The following PARP15 variants were observed in gnomAD, a reference collection of about 807,000 sequenced individuals.
The protein encoded by PARP15 is poly(ADP-ribose) polymerase family member 15, also known as protein mono-ADP-ribosyltransferase PARP15.
PARP15 carries 50 observed loss-of-function variants against 62.1 expected under a neutral mutation model. The ratio of observed to expected loss-of-function variants is 0.81; its 90% CI spans 0.64 to 1.02. The LOEUF is 1.02. PARP15 is among the 50% of genes least tolerant of loss of function. The pLI is 0.00. For missense variants in PARP15, 820 were observed against 826.5 expected (o/e 0.99, Z 0.10); for synonymous variants, 309 against 293.1 (o/e 1.05, Z -0.55).
chr3:122,607,035 GT>G (rs1935203799), intron 2 of PARP15, among the ~76,000 whole-genome samples: 1 of 152,204 alleles, frequency 6.6e-6, no homozygotes. Context: ...TGTCACGTGG[GT>G]TCAGGACCTT....
intron 10 of PARP15, 106 bp downstream of exon 10, chr3:122,632,325 T>C (rs1413747948): frequency 7.3e-6 from 8 of 1,103,190 alleles, no homozygotes; most frequent in Non-Finnish European, 1.0e-5. Flanking sequence ...ACTATGTTTA[T>C]TTTAACTGGA....
intron 10 of PARP15, among the ~76,000 whole-genome samples, chr3:122,632,443 A>G (rs1411740977): frequency 6.6e-6 from 1 of 152,218 alleles, no homozygotes; most frequent in Admixed American, 6.6e-5. Context: ...TTCAGTTGCA[A>G]GTCACAAACC....
At chr3:122,587,682 C>T (rs1178919828) in intron 1 of PARP15, among the ~76,000 whole-genome samples, 2 of 152,090 alleles carry the variant, frequency 1.3e-5, no homozygotes, top group African/African-American at 4.8e-5. Flanking sequence ...TCCACCACAC[C>T]TGGCTTATTT....
At chr3:122,578,051 G>T (rs5011883) in intron 1 of PARP15, among the ~76,000 whole-genome samples, 198 bp downstream of exon 1, 9,391 of 58,838 alleles carry the variant, frequency 0.16, 891 homozygotes, top group African/African-American at 0.34. Context: ...ATTTCTGGTG[G>T]TTTTTTTTTT....
intron 9 of PARP15, among the ~76,000 whole-genome samples, chr3:122,630,180 A>G (rs1351198346): frequency 6.6e-6 from 1 of 152,258 alleles, no homozygotes; most frequent in Non-Finnish European, 1.5e-5. Flanking sequence ...GCAAGTCAAC[A>G]GTGCTCCTTA....
chr3:122,581,617 G>C (rs982689108), intron 1 of PARP15, among the ~76,000 whole-genome samples: 2 of 152,028 alleles, frequency 1.3e-5, no homozygotes, highest in Non-Finnish European at 2.9e-5. Context: ...GAGTTGTAGG[G>C]GTTCTTTGTA....
At chr3:122,592,419 GC>G (rs1217036520) in intron 1 of PARP15, among the ~76,000 whole-genome samples, 2 of 152,002 alleles carry the variant, frequency 1.3e-5, no homozygotes, top group Non-Finnish European at 2.9e-5. Flanking sequence ...GAAGGGAACA[GC>G]ACACACTGGG....
chr3:122,635,708 T>A, intron 11 of PARP15, 103 bp from the exon 12 acceptor site: 1 of 1,333,352 alleles, frequency 7.5e-7, no homozygotes, highest in Non-Finnish European at 1.0e-6. Flanking sequence ...CCAACACACC[T>A]GGCTAAAACT....
At chr3:122,603,735 A>T (rs1244579609) in intron 1 of PARP15, among the ~76,000 whole-genome samples, 1 of 152,242 alleles carries the variant, frequency 6.6e-6, no homozygotes, top group Non-Finnish European at 1.5e-5. Flanking sequence ...TCACGGATAA[A>T]ACTTTCATCA....
At chr3:122,628,442 A>G (rs777665823) in intron 9 of PARP15, among the ~76,000 whole-genome samples, 18 of 152,164 alleles carry the variant, frequency 1.2e-4, no homozygotes, top group African/African-American at 1.9e-4. Flanking sequence ...AATAGTATGT[A>G]CCTACTATAG....
chr3:122,635,995 A>G lies in PARP15; in HGVS notation c.1932A>G (p.Thr644=). 1 of 1,614,160 alleles carries G rather than the reference A, an allele frequency of 6.2e-7. No homozygotes were observed. The highest frequency in any genetic ancestry group is 8.5e-7 in the Non-Finnish European group (1 of 1,180,018). Reference sequence around the variant, plus strand: ...CACCCAAGAATCCTCACAATCCCACAGATCTCTTTGACTCAGTGACAAACA... The same window carrying G: ...CACCCAAGAATCCTCACAATCCCACGGATCTCTTTGACTCAGTGACAAACA... The part of the protein sequence containing the change: ...TPPPKNPHNP[T]DLFDSVTNNT... The change falls in exon 12 of 12, where the codon ACA becomes ACG. Residue 644 remains threonine (T), a synonymous_variant. Coordinates refer to ENST00000464300, the MANE Select transcript of PARP15 (RefSeq NM_001113523.3).
intron 8 of PARP15, among the ~76,000 whole-genome samples, chr3:122,623,566 C>T (rs1160133541): frequency 6.6e-6 from 1 of 152,144 alleles, no homozygotes; most frequent in Non-Finnish European, 1.5e-5. Flanking sequence ...GCAAAAGAAC[C>T]AACCAATAAT....
rs367561709 is a variant in PARP15 at position 122,621,900 on chromosome 3, G to A, written c.1231+289G>A. Among the ~76,000 whole-genome samples the A allele has an allele frequency of 9.2e-5, 14 of 152,242 alleles. No individual in the cohort carries two copies. The South Asian group carries it at 1.0e-3, about 11-fold the overall frequency. On this transcript the variant is annotated intron_variant, in intron 8 of 11. Transcript: ENST00000464300. ...TGCAACCTCCTCCTCCCAGGCTCAC[G>A]CAATCCTCCCACTTCAGCCTCCCAA...
intron 1 of PARP15, chr3:122,594,957 G>T (rs1934220160): frequency 1.2e-6 from 1 of 815,114 alleles, no homozygotes. Flanking sequence ...GGAGGGTTCA[G>T]CCCTGGTTGA....
chr3:122,634,984 T>A, intron 10 of PARP15, 36 bp from the exon 11 acceptor site: 1 of 1,602,708 alleles, frequency 6.2e-7, no homozygotes, highest in Non-Finnish European at 8.5e-7. Flanking sequence ...AGCCCCAAGG[T>A]CCTTTCTGAA....
chr3:122,602,553 T>C (rs1228114851), intron 1 of PARP15, among the ~76,000 whole-genome samples: 4 of 152,214 alleles, frequency 2.6e-5, no homozygotes, highest in Non-Finnish European at 4.4e-5. Context: ...AAACTCAGGC[T>C]CTGTTGCTAG....
At chr3:122,624,130 A>G (rs1006389798) in intron 8 of PARP15, among the ~76,000 whole-genome samples, 2 of 151,828 alleles carry the variant, frequency 1.3e-5, no homozygotes, top group African/African-American at 2.4e-5. Flanking sequence ...CAGCATGGGC[A>G]ACAAAGTGAG....
At chr3:122,582,243 C>A (rs1933009955) in intron 1 of PARP15, among the ~76,000 whole-genome samples, 1 of 151,960 alleles carries the variant, frequency 6.6e-6, no homozygotes, top group Non-Finnish European at 1.5e-5. Flanking sequence ...GCAAACACTG[C>A]TCACAGCAGC....
intron 1 of PARP15, among the ~76,000 whole-genome samples, chr3:122,587,639 C>T (rs999266558): frequency 6.6e-6 from 1 of 152,200 alleles, no homozygotes; most frequent in African/African-American, 2.4e-5. Flanking sequence ...AGTGATCCTT[C>T]CACCTCAGCC....
Sources: allele counts gnomAD v4.1 joint callset (sites outside exome capture counted in the v4.1 genomes callset), GRCh38; gene constraint gnomAD v4.1.1; transcripts MANE v1.5; gene names NCBI Gene and HGNC (gene_info 2026-07-23, HGNC 2026-07-21).